CUX1: variants seen among roughly 807,000 people sequenced by gnomAD.
The protein encoded by CUX1 is protein CASP.
In CUX1, 31 loss-of-function variants were observed where a neutral mutation model predicts 158.8. That is an observed-to-expected ratio of 0.20 (90% CI 0.15 to 0.26). The LOEUF (loss-of-function observed/expected upper bound fraction) is 0.26. Among genes scored for constraint, CUX1 ranks in the 10% least tolerant of loss-of-function variants. CUX1 has a pLI of 1.00. For synonymous variants in CUX1, 879 were observed against 862.1 expected (o/e 1.02, Z -0.34); for missense variants, 1,589 against 2,014.6 (o/e 0.79, Z 4.04).
chr7:101,841,650 C>T (rs1182308265), intron 1 of CUX1, among the ~76,000 whole-genome samples: 2 of 152,054 alleles, frequency 1.3e-5, no homozygotes, highest in East Asian at 1.9e-4. Context: ...CTCTGCCTCC[C>T]GGGTTCAAGT....
chr7:101,958,912 T>A (rs1402849684), intron 2 of CUX1, among the ~76,000 whole-genome samples: 1 of 137,402 alleles, frequency 7.3e-6, no homozygotes, highest in Non-Finnish European at 1.5e-5. Context: ...TGGACTCCAG[T>A]GGTACAGTCG....
chr7:101,863,047 C>T (rs147151626), intron 1 of CUX1, among the ~76,000 whole-genome samples: 1 of 152,044 alleles, frequency 6.6e-6, no homozygotes, highest in Non-Finnish European at 1.5e-5. Flanking sequence ...TCATCGCTCA[C>T]CCGACTTAAA....
intron 8 of CUX1, among the ~76,000 whole-genome samples, chr7:102,121,975 T>C (rs1203010163): frequency 6.6e-6 from 1 of 152,172 alleles, no homozygotes; most frequent in Non-Finnish European, 1.5e-5. Flanking sequence ...GTATTTACCA[T>C]AGCAGATTGA....
intron 1 of CUX1, among the ~76,000 whole-genome samples, chr7:101,856,095 G>C (rs762851910): frequency 1.1e-4 from 16 of 146,982 alleles, no homozygotes; most frequent in South Asian, 2.1e-4. Context: ...CTGAAGGATC[G>C]CTTGAGTCCA....
chr7:102,199,001 A>G, intron 16 of CUX1, 134 bp downstream of exon 16: 2 of 791,464 alleles, frequency 2.5e-6, no homozygotes, highest in Non-Finnish European at 4.3e-6. Flanking sequence ...TAGTAAGTAT[A>G]AAACAAGGCA....
At chr7:101,992,561 A>G (rs1815280823) in intron 2 of CUX1, among the ~76,000 whole-genome samples, 1 of 152,184 alleles carries the variant, frequency 6.6e-6, no homozygotes, top group African/African-American at 2.4e-5. Flanking sequence ...GGGAGGGGTC[A>G]GTACATGTTT....
intron 3 of CUX1, among the ~76,000 whole-genome samples, chr7:102,034,295 C>T (rs1821162378): frequency 1.3e-5 from 2 of 151,928 alleles, no homozygotes; most frequent in Non-Finnish European, 2.9e-5. Flanking sequence ...TAACATAAAT[C>T]CATGTCATTA....
chr7:102,031,910 A>G (rs1260026299), intron 3 of CUX1, among the ~76,000 whole-genome samples: 1 of 149,622 alleles, frequency 6.7e-6, no homozygotes, highest in Non-Finnish European at 1.5e-5. Context: ...TGTGACATTT[A>G]TATTAAATAA....
At chr7:102,212,631 C>T (rs1371737606) in intron 20 of CUX1, among the ~76,000 whole-genome samples, 1 of 152,098 alleles carries the variant, frequency 6.6e-6, no homozygotes, top group Non-Finnish European at 1.5e-5. Context: ...ACCATCCCTC[C>T]CTCATCTTCC....
chr7:102,046,569 ATTTTTTTTTTTTT>A (rs55753644), intron 3 of CUX1, among the ~76,000 whole-genome samples: 8 of 55,468 alleles, frequency 1.4e-4, no homozygotes, highest in Non-Finnish European at 2.6e-4. Flanking sequence ...TTTGGTTTGG[ATTTTTTTTTTTTT>A]TTTTTTTTTT....
chr7:102,240,191 G>T (rs1456478732), intron 23 of CUX1, among the ~76,000 whole-genome samples: 1 of 152,236 alleles, frequency 6.6e-6, no homozygotes. Flanking sequence ...TAATAAGGGA[G>T]AGTGTAGGCA....
At chr7:101,991,968 C>G (rs202162) in intron 2 of CUX1, among the ~76,000 whole-genome samples, 122,761 of 152,094 alleles carry the variant, frequency 0.81, 49,980 homozygotes, top group East Asian at 0.99. Context: ...GAGGCAGGAG[C>G]ATCTCTTGAG....
At chr7:101,858,284 T>C (rs1797096224) in intron 1 of CUX1, among the ~76,000 whole-genome samples, 1 of 152,126 alleles carries the variant, frequency 6.6e-6, no homozygotes, top group African/African-American at 2.4e-5. Flanking sequence ...AAGAGCATTG[T>C]AGTATCTGGT....
chr7:102,234,118 G>A lies in CUX1; in HGVS notation c.3500G>A (p.Arg1167His), dbSNP rs1554531739. ...TQGSVSDLLA[R>H]PKPWHKLSLK... ...GGCTCTGTCTCTGACCTCCTTGCCCGCCCCAAACCCTGGCATAAGCTCAGT... is the reference window on the plus strand; with the variant it reads ...GGCTCTGTCTCTGACCTCCTTGCCCACCCCAAACCCTGGCATAAGCTCAGT... Residue 1167 changes from arginine (R) to histidine (H), a missense_variant, in exon 22 of 24, where the codon CGC becomes CAC. By Grantham distance (29) the Arg-to-His change is conservative (BLOSUM62 0). Transcript: ENST00000292535. 1.9e-6 allele frequency: 3 copies of A among 1,596,604 alleles called. No homozygotes were observed. The highest frequency in any genetic ancestry group is 2.6e-6 in the Non-Finnish European group (3 of 1,172,454).
In CUX1 at chr7:101,856,897, T is replaced by A. The variant is rs531778498; in HGVS notation, c.30+39228T>A. Among the ~76,000 whole-genome samples the A allele has an allele frequency of 4.9e-3, 739 of 152,322 alleles. 11 individuals carry two copies. Among genetic ancestry groups the A allele is most frequent in the Non-Finnish European group, 6.6e-3 (451 of 68,018 alleles). ...TTGGCTCTCCCACGCCTGCCAGCCGTACCACAGGCCCCGGGTGTGAACCCT... is the reference window on the plus strand; with the variant it reads ...TTGGCTCTCCCACGCCTGCCAGCCGAACCACAGGCCCCGGGTGTGAACCCT... On this transcript the variant is annotated intron_variant, in intron 1 of 23. Transcript: ENST00000292535.
At chr7:101,947,455 AC>A (rs973293641) in intron 2 of CUX1, among the ~76,000 whole-genome samples, 1 of 152,156 alleles carries the variant, frequency 6.6e-6, no homozygotes, top group Non-Finnish European at 1.5e-5. Context: ...TTAAATATTT[AC>A]CCCATATCCA....
chr7:102,133,814 A>G (rs1261881282), intron 8 of CUX1, among the ~76,000 whole-genome samples: 1 of 152,150 alleles, frequency 6.6e-6, no homozygotes, highest in Non-Finnish European at 1.5e-5. Context: ...TCTAACTGCA[A>G]TGTAGCATTT....
intron 2 of CUX1, among the ~76,000 whole-genome samples, chr7:101,994,071 G>A (rs1291383934): frequency 6.6e-6 from 1 of 152,146 alleles, no homozygotes; most frequent in East Asian, 1.9e-4. Context: ...TGCCCAGTGG[G>A]CCACCCCAGC....
intron 2 of CUX1, among the ~76,000 whole-genome samples, chr7:101,955,958 C>T (rs536320841): frequency 1.1e-4 from 17 of 151,686 alleles, no homozygotes; most frequent in Admixed American, 9.9e-4. Flanking sequence ...CCAAGGTGGG[C>T]GGATCACGAG....
Sources: gnomAD v4.1 joint callset for allele counts (sites outside exome capture counted in the v4.1 genomes callset) on GRCh38, gnomAD v4.1.1 for gene constraint, MANE v1.5 for transcripts, NCBI Gene and HGNC (gene_info 2026-07-23, HGNC 2026-07-21) for gene names.